Variants in XKR6 observed in about 807,000 individuals in gnomAD.
XKR6 encodes XK related 6.
XKR6 carries 22 observed loss-of-function variants against 56.7 expected under a neutral mutation model. The ratio of observed to expected loss-of-function variants is 0.39; its 90% CI spans 0.28 to 0.55. XKR6 has a LOEUF of 0.55. Ranked by LOEUF, XKR6 falls within the 20% of genes least tolerant of loss-of-function variation. The probability of loss-of-function intolerance (pLI) is 0.66; values close to 1 mark genes in which losing one functional copy is unlikely to be tolerated. For missense variants in XKR6, 852 were observed against 889.0 expected (o/e 0.96, Z 0.53); for synonymous variants, 524 against 387.8 (o/e 1.35, Z -4.13).
chr8:11,059,292 G>C (rs1799766431), intron 1 of XKR6, among the ~76,000 whole-genome samples: 1 of 152,038 alleles, frequency 6.6e-6, no homozygotes, highest in Non-Finnish European at 1.5e-5. Flanking sequence ...AATCTTTGTT[G>C]AGCGAATGAA....
intron 1 of XKR6, among the ~76,000 whole-genome samples, chr8:11,132,359 TTTTC>T (rs1267958650): frequency 6.6e-6 from 1 of 151,918 alleles, no homozygotes; most frequent in African/African-American, 2.4e-5. Flanking sequence ...TTCTTTTTCT[TTTTC>T]TTTTTTTTTC....
At chr8:10,925,028 C>A (rs1400082936) in intron 1 of XKR6, among the ~76,000 whole-genome samples, 198 bp from the exon 2 acceptor site, 1 of 152,078 alleles carries the variant, frequency 6.6e-6, no homozygotes, top group Admixed American at 6.5e-5. Context: ...AGGGGCGGGG[C>A]AGGTCAGGAA....
intron 1 of XKR6, among the ~76,000 whole-genome samples, chr8:11,038,497 T>TTGTGTGTGTGTG (rs34388531): frequency 7.7e-6 from 1 of 130,124 alleles, no homozygotes; most frequent in Non-Finnish European, 1.6e-5. Flanking sequence ...TGTAGTCATT[T>TTGTGTGTGTGTG]TGTGTGTGTG....
chr8:10,998,761 AC>A (rs542076707), intron 1 of XKR6, among the ~76,000 whole-genome samples: 93 of 152,158 alleles, frequency 6.1e-4, no homozygotes, highest in African/African-American at 1.9e-3. Context: ...TACCCCTGAA[AC>A]CTGACCACCC....
intron 1 of XKR6, among the ~76,000 whole-genome samples, chr8:11,052,394 T>C (rs897829618): frequency 7.2e-5 from 11 of 152,236 alleles, no homozygotes; most frequent in Admixed American, 5.9e-4. Flanking sequence ...TGTTTGTTTA[T>C]GGCCTTCCCC....
chr8:10,937,684 C>A (rs1394147589), intron 1 of XKR6, among the ~76,000 whole-genome samples: 6 of 148,120 alleles, frequency 4.1e-5, no homozygotes, highest in Non-Finnish European at 7.5e-5. Flanking sequence ...TGTGCCCCTG[C>A]TGGGGGGTGC....
intron 1 of XKR6, chr8:11,111,621 G>C (rs1319401865): frequency 6.6e-6 from 1 of 152,060 alleles, no homozygotes; most frequent in Non-Finnish European, 1.5e-5. Flanking sequence ...GGAAAAATGA[G>C]GTTCATAAGA....
intron 1 of XKR6, among the ~76,000 whole-genome samples, chr8:10,958,499 T>A (rs1048304248): frequency 3.9e-5 from 6 of 152,184 alleles, no homozygotes; most frequent in African/African-American, 1.4e-4. Context: ...GAGCTGGATA[T>A]CACTGGCAAG....
At chr8:11,195,353 C>G in intron 1 of XKR6, 1 of 589,956 alleles carries the variant, frequency 1.7e-6, no homozygotes. Context: ...GGATAGTCAA[C>G]TGCTAATATC....
At chr8:11,157,242 G>C (rs76007206) in intron 1 of XKR6, among the ~76,000 whole-genome samples, 12,067 of 152,202 alleles carry the variant, frequency 0.079, 774 homozygotes, top group African/African-American at 0.18. Context: ...CAAAACGCAA[G>C]ATGGTCCACT....
At chr8:11,093,761 CA>C (rs1476285935) in intron 1 of XKR6, among the ~76,000 whole-genome samples, 1 of 152,082 alleles carries the variant, frequency 6.6e-6, no homozygotes, top group African/African-American at 2.4e-5. Context: ...CTTTATACTT[CA>C]GGGTCTTTAC....
At chr8:10,901,258 G>T (rs1014666493) in intron 2 of XKR6, among the ~76,000 whole-genome samples, 1 of 152,000 alleles carries the variant, frequency 6.6e-6, no homozygotes, top group African/African-American at 2.4e-5. Flanking sequence ...ATTTCACCAT[G>T]TTGGCCAGGC....
At chr8:10,904,472 G>A (rs1165371807) in intron 2 of XKR6, among the ~76,000 whole-genome samples, 1 of 152,202 alleles carries the variant, frequency 6.6e-6, no homozygotes, top group African/African-American at 2.4e-5. Flanking sequence ...AGGGGTCATA[G>A]CCAGTTGGGG....
chr8:11,106,863 A>AAAAAAAAAAAAAAAAAAAAAAAAG lies in XKR6; in HGVS notation c.764+93712_764+93713insCTTTTTTTTTTTTTTTTTTTTTTT, dbSNP rs60435831. Among the ~76,000 whole-genome samples, 30 of 109,900 alleles carry AAAAAAAAAAAAAAAAAAAAAAAAG rather than the reference A, an allele frequency of 2.7e-4. 2 individuals are homozygous for AAAAAAAAAAAAAAAAAAAAAAAAG. The highest frequency in any genetic ancestry group is 5.6e-3 in the Middle Eastern group (1 of 178). The allele number at this position is 109,900 out of a possible 152,430, so 72.1% of individuals were successfully genotyped here. A position where few individuals can be genotyped will look rare whatever the true frequency, so the allele number is the denominator to read the frequency against. On this transcript the variant is annotated intron_variant, in intron 1 of 2. Coordinates refer to ENST00000416569, the MANE Select transcript of XKR6 (RefSeq NM_173683.4). ...GAGACTTCATCTCAAAAAAAAAAAAAAATAAAAAAGATACAACGTTACAAA... is the reference window on the plus strand; with the variant it reads ...GAGACTTCATCTCAAAAAAAAAAAAAAAAAAAAAAAAAAAAAAAAAAAAGAATAAAAAAGATACAACGTTACAAA...
chr8:11,200,036 G>A lies in XKR6; in HGVS notation c.764+540C>T, dbSNP rs967170951. ...TGGTTTGGAGTCATTCACAGGGGCT[G>A]GGAGTGCAGGAGGGGGAAGGGGCGT... On this transcript the variant is annotated intron_variant, in intron 1 of 2. Transcript: ENST00000416569. This position sits in a 1 kb window ranked among gnomAD's most constrained non-coding sequence, Gnocchi z 6.4. 3.3e-5 allele frequency among the ~76,000 whole-genome samples: 5 copies of A among 152,192 alleles called. No homozygotes were observed. Among genetic ancestry groups the A allele is most frequent in the African/African-American group, 1.2e-4 (5 of 41,446 alleles).
intron 1 of XKR6, among the ~76,000 whole-genome samples, chr8:11,029,720 C>T (rs371923512): frequency 5.4e-4 from 82 of 152,144 alleles, no homozygotes; most frequent in Middle Eastern, 3.4e-3. Context: ...CCTTGCCAGT[C>T]CCCCCATTTC....
chr8:10,944,143 G>T (rs1320677887), intron 1 of XKR6, among the ~76,000 whole-genome samples: 1 of 152,152 alleles, frequency 6.6e-6, no homozygotes, highest in East Asian at 1.9e-4. Flanking sequence ...CAATCAGAGT[G>T]CACTAAACTG....
At chr8:11,136,783 C>T (rs955981312) in intron 1 of XKR6, 2 of 152,200 alleles carry the variant, frequency 1.3e-5, no homozygotes, top group African/African-American at 4.8e-5. Context: ...AGAAGGAATA[C>T]ATTTCCATTG....
At chr8:11,182,602 T>C (rs1803050781) in intron 1 of XKR6, among the ~76,000 whole-genome samples, 1 of 152,224 alleles carries the variant, frequency 6.6e-6, no homozygotes, top group African/African-American at 2.4e-5. Context: ...TGGGCAACAG[T>C]CCTAAGTGAG....
Sources: gnomAD v4.1 joint callset for allele counts (sites outside exome capture counted in the v4.1 genomes callset) on GRCh38, gnomAD v4.1.1 for gene constraint, Gnocchi (gnomAD v3.1) non-coding constraint, MANE v1.5 for transcripts, NCBI Gene and HGNC (gene_info 2026-07-23, HGNC 2026-07-21) for gene names.